PTGDR: variants seen among roughly 807,000 people sequenced by gnomAD.
PTGDR encodes PGD2 receptor.
Under a neutral mutation model 17.4 loss-of-function variants are expected in PTGDR, and 19 were observed. The observed-to-expected ratio is 1.09, with a 90% confidence interval of 0.76 to 1.60. PTGDR has a LOEUF of 1.60. PTGDR is among the 40% of genes most tolerant of loss of function. The pLI, the probability that PTGDR is intolerant of heterozygous loss-of-function variation, is 0.00. For missense variants in PTGDR, 526 were observed against 481.9 expected (o/e 1.09, Z -0.86); for synonymous variants, 267 against 224.2 (o/e 1.19, Z -1.71).
Position 52,268,122 on chromosome 14 carries a change from CGTT to C in PTGDR, c.311_313del (p.Leu104del). 6.2e-7 allele frequency: 1 copy of C among 1,614,136 alleles called. No individual in the cohort carries two copies. Among genetic ancestry groups the C allele is most frequent in the Non-Finnish European group, 8.5e-7 (1 of 1,180,050 alleles). On this transcript the variant is annotated inframe_deletion, in exon 1 of 2. Transcript: ENST00000306051. ...GTGCTTGCGCCCGCATTGGACAACT[CGTT>C]GTGCCAAGCCTTCGCCTTCTTCATG...
rs2033388361 is a variant in PTGDR, at chr14:52,274,768, A to G, written c.884A>G (p.Glu295Gly). ...TATGGAGCATTTAAGGATGTCAAGGAGAAAAACAGGACCTCTGAAGAAGCA... is the reference window on the plus strand; with the variant it reads ...TATGGAGCATTTAAGGATGTCAAGGGGAAAAACAGGACCTCTGAAGAAGCA... ...AYYGAFKDVKEKNRTSEEAED... is the reference protein window; with the variant it reads ...AYYGAFKDVKGKNRTSEEAED... Residue 295 changes from glutamate to glycine, a missense_variant, in exon 2 of 2, where the codon GAG becomes GGG. Glu to Gly is a moderately conservative substitution (Grantham distance 98, BLOSUM62 -2). Transcript: ENST00000306051. 5 of 1,613,680 alleles carry G rather than the reference A, an allele frequency of 3.1e-6. No individual in the cohort carries two copies. Among genetic ancestry groups the G allele is most frequent in the Non-Finnish European group, 4.2e-6 (5 of 1,179,526 alleles).
chr14:52,275,028 T>TAAA lies in PTGDR; in HGVS notation c.*73_*75dup. On this transcript the variant is annotated 3_prime_UTR_variant, in exon 2 of 2. Coordinates refer to ENST00000306051, the MANE Select transcript of PTGDR (RefSeq NM_000953.3). The stretch of plus-strand genomic sequence containing the variant: ...ACATTTTCAGTCAAAGAACCATGAT[T>TAAA]AAAAAAAAAAAGACAACTTACAATT... 1.0e-6 allele frequency: 1 copy of TAAA among 993,696 alleles called. No homozygotes were observed. Among genetic ancestry groups the TAAA allele is most frequent in the Non-Finnish European group, 1.4e-6 (1 of 724,464 alleles). The allele number at this position is 993,696 out of a possible 1,614,324, so 61.6% of individuals were successfully genotyped here.
chr14:52,280,443 G>T (rs2033474600), downstream of PTGDR, among the ~76,000 whole-genome samples: 1 of 152,134 alleles, frequency 6.6e-6, no homozygotes, highest in African/African-American at 2.4e-5. Flanking sequence ...ACGCCAACCT[G>T]CATCTCATTT....
At chr14:52,274,453 G>T (rs1280230237) in intron 1 of PTGDR, among the ~76,000 whole-genome samples, 1 of 152,182 alleles carries the variant, frequency 6.6e-6, no homozygotes, top group Non-Finnish European at 1.5e-5. Flanking sequence ...CTAGAAACTT[G>T]AGCCCAGCAG....
chr14:52,280,072 T>G (rs184085295), downstream of PTGDR, among the ~76,000 whole-genome samples: 1 of 152,278 alleles, frequency 6.6e-6, no homozygotes, highest in Admixed American at 6.5e-5. Context: ...TACAAAGTAC[T>G]AAAGTATGAG....
chr14:52,276,031 A>G lies in PTGDR; in HGVS notation c.*1067A>G, dbSNP rs1306421301. On this transcript the variant is annotated 3_prime_UTR_variant, in exon 2 of 2. Coordinates refer to ENST00000306051, the MANE Select transcript of PTGDR (RefSeq NM_000953.3). ...TCTTAGGTTCCAAGATTTTACTTCA[A>G]ATTACACCTTCAAAACTGGAGCAGC... is the stretch of plus-strand genomic sequence containing the variant. 1.3e-5 allele frequency: 2 copies of G among 152,624 alleles called. No homozygotes were observed. The highest frequency in any genetic ancestry group is 2.9e-5 in the Non-Finnish European group (2 of 68,058). 9.5% of individuals were successfully genotyped at this position (152,624 alleles called of 1,614,324 possible).
intron 1 of PTGDR, among the ~76,000 whole-genome samples, chr14:52,273,092 A>T (rs1351217750): frequency 6.6e-6 from 1 of 152,188 alleles, no homozygotes; most frequent in Non-Finnish European, 1.5e-5. Flanking sequence ...GGCGCACTAC[A>T]ACCTCGGCCT....
downstream of PTGDR, among the ~76,000 whole-genome samples, chr14:52,280,510 G>T (rs1283737929): frequency 6.6e-6 from 1 of 152,136 alleles, no homozygotes; most frequent in Non-Finnish European, 1.5e-5. Flanking sequence ...TTCACATTTT[G>T]TCCACACGGA....
At chr14:52,278,886 T>C (rs1321575541), downstream of PTGDR, among the ~76,000 whole-genome samples, 1 of 151,548 alleles carries the variant, frequency 6.6e-6, no homozygotes, top group Non-Finnish European at 1.5e-5. Context: ...TGAGCTTTCA[T>C]TAGGGATTGA....
intron 1 of PTGDR, 90 bp downstream of exon 1, chr14:52,268,750 C>G (rs981125591): frequency 7.3e-7 from 1 of 1,368,710 alleles, no homozygotes; most frequent in African/African-American, 1.5e-5. Flanking sequence ...GGGATGGACG[C>G]GGCGCCAGGC....
chr14:52,268,198 G>A lies in PTGDR; in HGVS notation c.384G>A (p.Leu128=), dbSNP rs2033245963. Residue 128 remains leucine (L), a synonymous_variant, in exon 1 of 2, where the codon CTG becomes CTA. Transcript: ENST00000306051. ...CACTGCAACTCCTGGCCATGGCACT[G>A]GAGTGCTGGCTCTCCCTAGGGCACC... ...SSTLQLLAMA[L]ECWLSLGHPF... The A allele has an allele frequency of 1.2e-6, 2 of 1,614,138 alleles. No individual in the cohort carries two copies. Among genetic ancestry groups the A allele is most frequent in the Admixed American group, 1.7e-5 (1 of 60,036 alleles).
At position 52,275,018 on chromosome 14, in the gene PTGDR, G is replaced by C; in HGVS notation, c.*54G>C. 9 of 1,282,152 alleles carry C rather than the reference G, an allele frequency of 7.0e-6. No individual in the cohort carries two copies. The highest frequency in any genetic ancestry group is 9.7e-6 in the Non-Finnish European group (9 of 931,480). The allele number at this position is 1,282,152 out of a possible 1,614,324, so 79.4% of individuals were successfully genotyped here. On this transcript the variant is annotated 3_prime_UTR_variant, in exon 2 of 2. Coordinates refer to ENST00000306051, the MANE Select transcript of PTGDR (RefSeq NM_000953.3). ...GGAATATGTCACATTTTCAGTCAAA[G>C]AACCATGATTAAAAAAAAAAAGACA...
chr14:52,279,962 T>C (rs2033469726), downstream of PTGDR, among the ~76,000 whole-genome samples: 1 of 151,954 alleles, frequency 6.6e-6, no homozygotes, highest in African/African-American at 2.4e-5. Context: ...AGGCAAAGCA[T>C]AGGGTCCTAT....
At position 52,274,900 on chromosome 14, in the gene PTGDR, T is replaced by C. The variant is rs1027588651; in HGVS notation, c.1016T>C (p.Phe339Ser). 6.2e-7 allele frequency: 1 copy of C among 1,607,246 alleles called. No homozygotes were observed. The highest frequency in any genetic ancestry group is 8.5e-7 in the Non-Finnish European group (1 of 1,173,910). ...TTTCGGATATTTTTTCACAAGATTT[T>C]CATTAGACCTCTTAGGTACAGGAGC... ...PVFRIFFHKI[F>S]IRPLRYRSRC... The change falls in exon 2 of 2, where the codon TTC (phenylalanine) becomes TCC (serine). Residue 339 changes from phenylalanine (F) to serine (S), a missense_variant. Transcript: ENST00000306051.
intron 1 of PTGDR, chr14:52,269,622 A>C: frequency 8.7e-7 from 1 of 1,144,140 alleles, no homozygotes; most frequent in Non-Finnish European, 1.2e-6. Flanking sequence ...TTCTGTGAAT[A>C]GGAAAGTTGT....
Position 52,268,557 on chromosome 14 carries a change from C to T in PTGDR, c.743C>T (p.Ala248Val), listed in dbSNP as rs200415919. 165 of 1,612,696 alleles carry T rather than the reference C, an allele frequency of 1.0e-4. No individual in the cohort carries two copies. In the Middle Eastern group the frequency reaches 1.3e-3, roughly 13 times the overall value. Residue 248 changes from alanine (A) to valine (V), a missense_variant, in exon 1 of 2, where the codon GCG (alanine) becomes GTG (valine). Coordinates refer to ENST00000306051, the MANE Select transcript of PTGDR (RefSeq NM_000953.3). ...ACCAGGGACTGTGCCGAGCCGCGCGCGGACGGGAGGGAAGCGTCCCCTCAG... is the reference window on the plus strand; with the variant it reads ...ACCAGGGACTGTGCCGAGCCGCGCGTGGACGGGAGGGAAGCGTCCCCTCAG... ...SCTRDCAEPR[A>V]DGREASPQPL...
intron 1 of PTGDR, among the ~76,000 whole-genome samples, chr14:52,273,915 G>A (rs888484682): frequency 3.9e-5 from 6 of 152,190 alleles, no homozygotes; most frequent in African/African-American, 1.2e-4. Flanking sequence ...CTAGAGATCA[G>A]TGTTGGCTGA....
chr14:52,273,647 A>G (rs2033364214), intron 1 of PTGDR, among the ~76,000 whole-genome samples: 2 of 152,138 alleles, frequency 1.3e-5, no homozygotes, highest in African/African-American at 4.8e-5. Flanking sequence ...GAAATGCTCT[A>G]CAGAGAAGAA....
At position 52,274,983 on chromosome 14, in the gene PTGDR, G is replaced by C; in HGVS notation, c.*19G>C. On this transcript the variant is annotated 3_prime_UTR_variant, in exon 2 of 2. Transcript: ENST00000306051. ...TCTGTGACAGTGTTTTTCACTCTGTGGTAAGCTGAGGAATATGTCACATTT... is the reference window on the plus strand; with the variant it reads ...TCTGTGACAGTGTTTTTCACTCTGTCGTAAGCTGAGGAATATGTCACATTT... 6.8e-7 allele frequency: 1 copy of C among 1,467,900 alleles called. No homozygotes were observed. Among genetic ancestry groups the C allele is most frequent in the Non-Finnish European group, 9.4e-7 (1 of 1,059,314 alleles). 90.9% of individuals were successfully genotyped at this position (1,467,900 alleles called of 1,614,324 possible).
Sources: allele counts gnomAD v4.1 joint callset (sites outside exome capture counted in the v4.1 genomes callset), GRCh38; gene constraint gnomAD v4.1.1; transcripts MANE v1.5; gene names NCBI Gene and HGNC (gene_info 2026-07-23, HGNC 2026-07-21).